Variants in ZNF713 observed in about 807,000 individuals in gnomAD.
ZNF713 encodes zinc finger protein 713.
A neutral mutation model predicts 28.7 loss-of-function variants in ZNF713; 21 were observed. The ratio of observed to expected loss-of-function variants is 0.73; its 90% CI spans 0.52 to 1.05. The LOEUF (loss-of-function observed/expected upper bound fraction) is 1.05. Among genes scored for constraint, ZNF713 ranks in the 50% least tolerant of loss-of-function variants. ZNF713 has a pLI of 0.00. For missense variants in ZNF713, 458 were observed against 532.4 expected (o/e 0.86, Z 1.37); for synonymous variants, 167 against 178.0 (o/e 0.94, Z 0.49).
chr7:55,887,629 C>T lies in ZNF713; in HGVS notation c.-634C>T. On this transcript the variant is annotated 5_prime_UTR_variant, in exon 1 of 7. Transcript: ENST00000429591. ...GCGGCGGCGGCGGCGGCGGCGGCGG[C>T]GGCGGCGGCGTCAGGGGGCGGAGCC... 2 of 172,814 alleles carry T rather than the reference C, an allele frequency of 1.2e-5. No homozygotes were observed. Among genetic ancestry groups the T allele is most frequent in the South Asian group, 3.2e-4 (2 of 6,240 alleles). The allele number at this position is 172,814 out of a possible 1,614,324, so 10.7% of individuals were successfully genotyped here.
intron 6 of ZNF713, chr7:55,924,068 C>T (rs535355393): frequency 3.3e-5 from 5 of 153,692 alleles, no homozygotes; most frequent in Middle Eastern, 3.3e-3. Flanking sequence ...AGAGGTGATC[C>T]GAGAAGAAAT....
intron 2 of ZNF713, among the ~76,000 whole-genome samples, chr7:55,907,618 C>T (rs6962038): frequency 0.022 from 3,395 of 152,288 alleles, 61 homozygotes; most frequent in African/African-American, 0.043. Flanking sequence ...CCCACCCTCC[C>T]TCCTTTTGGA....
chr7:55,892,872 A>G lies in ZNF713; in HGVS notation c.-583+5192A>G, dbSNP rs866940271. ...GGCAACAAGAGTGAAATTGTTTGGG[A>G]AAAAAAAAAAAAAAAAGGCGGAGTA... On this transcript the variant is annotated intron_variant, in intron 1 of 6. Transcript: ENST00000429591. Among the ~76,000 whole-genome samples, 536 of 56,846 alleles carry G rather than the reference A, an allele frequency of 9.4e-3. 5 individuals carry two copies. Among genetic ancestry groups the G allele is most frequent in the Middle Eastern group, 0.062 (6 of 96 alleles). The allele number at this position is 56,846 out of a possible 152,430, so 37.3% of individuals were successfully genotyped here.
In ZNF713 at chr7:55,940,012, G is replaced by C. The variant is rs1445861984; in HGVS notation, c.*6G>C. The C allele has an allele frequency of 6.5e-7, 1 of 1,547,146 alleles. No homozygotes were observed. The highest frequency in any genetic ancestry group is 8.7e-7 in the Non-Finnish European group (1 of 1,148,164). ...CTTCATTTAGCAGCACATAACTTAT[G>C]GTGGGGGAAATCAGATAAATATATA... On this transcript the variant is annotated 3_prime_UTR_variant, in exon 7 of 7. Coordinates refer to ENST00000429591, the MANE Select transcript of ZNF713 (RefSeq NM_182633.3).
At chr7:55,918,285 A>C in intron 4 of ZNF713, 1 of 253,402 alleles carries the variant, frequency 3.9e-6, no homozygotes, top group Non-Finnish European at 8.3e-6. Flanking sequence ...GCCAGTACCA[A>C]TTTGCCAGCC....
intron 1 of ZNF713, among the ~76,000 whole-genome samples, chr7:55,891,390 A>G (rs192482263): frequency 1.3e-5 from 2 of 151,954 alleles, no homozygotes; most frequent in East Asian, 3.9e-4. Flanking sequence ...AAGGCAAAGT[A>G]TGAAAATAGA....
rs34793484 is a variant in ZNF713 at position 55,932,524 on chromosome 7, C to CAA, written c.308-6440_308-6439dup. Among the ~76,000 whole-genome samples, 615 of 120,676 alleles carry CAA rather than the reference C, an allele frequency of 5.1e-3. 2 individuals carry two copies. The highest frequency in any genetic ancestry group is 0.014 in the Middle Eastern group (3 of 220). 79.2% of individuals were successfully genotyped at this position (120,676 alleles called of 152,430 possible). ...TAGGTGACAAAGCAAGACCCTGTCTCAAAAAAAAAAAAAAAAAAATCTAAT... is the reference window on the plus strand; with the variant it reads ...TAGGTGACAAAGCAAGACCCTGTCTCAAAAAAAAAAAAAAAAAAAAATCTAAT... On this transcript the variant is annotated intron_variant, in intron 6 of 6. Transcript: ENST00000429591.
At chr7:55,895,382 A>G (rs997277491) in intron 1 of ZNF713, among the ~76,000 whole-genome samples, 1 of 151,630 alleles carries the variant, frequency 6.6e-6, no homozygotes, top group African/African-American at 2.4e-5. Flanking sequence ...GGAATATGAT[A>G]GAAGAGTTAG....
chr7:55,907,470 T>G (rs1471512085), intron 2 of ZNF713, among the ~76,000 whole-genome samples: 1 of 152,236 alleles, frequency 6.6e-6, no homozygotes, highest in African/African-American at 2.4e-5. Context: ...CATTCTTTTT[T>G]GTGGCTGCAT....
chr7:55,917,777 G>C (rs1280221466), intron 4 of ZNF713, among the ~76,000 whole-genome samples: 1 of 152,006 alleles, frequency 6.6e-6, no homozygotes, highest in Admixed American at 6.6e-5. Flanking sequence ...TTAAACACAG[G>C]AAAAGTGTTC....
chr7:55,903,890 C>T (rs977543187), intron 1 of ZNF713, among the ~76,000 whole-genome samples: 1 of 152,026 alleles, frequency 6.6e-6, no homozygotes, highest in East Asian at 1.9e-4. Context: ...AGCAGTCAGT[C>T]GTAGGATTCT....
chr7:55,931,658 TCTTA>T (rs1165648221), intron 6 of ZNF713, among the ~76,000 whole-genome samples: 3 of 151,808 alleles, frequency 2.0e-5, no homozygotes, highest in Non-Finnish European at 4.4e-5. Flanking sequence ...CTCCCTTCTT[TCTTA>T]CTTCCTTGTT....
chr7:55,896,373 T>A (rs766012563), intron 1 of ZNF713, among the ~76,000 whole-genome samples: 9 of 152,124 alleles, frequency 5.9e-5, no homozygotes, highest in Non-Finnish European at 8.8e-5. Flanking sequence ...AGTCAGTAAT[T>A]GTGTTTCTCA....
At chr7:55,889,046 AAAAAT>A (rs869096129) in intron 1 of ZNF713, among the ~76,000 whole-genome samples, 23 of 152,248 alleles carry the variant, frequency 1.5e-4, no homozygotes, top group African/African-American at 5.1e-4. Context: ...CCTTGTCTCA[AAAAAT>A]AAAATAAATG....
In ZNF713 at chr7:55,898,813, C is replaced by CT. The variant is rs555731499; in HGVS notation, c.-582-7439dup. On this transcript the variant is annotated intron_variant, in intron 1 of 6. Coordinates refer to ENST00000429591, the MANE Select transcript of ZNF713 (RefSeq NM_182633.3). ...TAAATTCAAAATTTCCCATTTACCT[C>CT]TAAAAAAAAAGACAACATACAAATG... Among the ~76,000 whole-genome samples, 183 of 150,334 alleles carry CT rather than the reference C, an allele frequency of 1.2e-3. 2 individuals carry two copies. The highest frequency in any genetic ancestry group is 4.0e-3 in the African/African-American group (158 of 39,974).
intron 4 of ZNF713, among the ~76,000 whole-genome samples, chr7:55,919,495 T>TTTTG (rs1449866890): frequency 0.062 from 1,701 of 27,452 alleles, 176 homozygotes; most frequent in African/African-American, 0.34. Flanking sequence ...CTCCAGTTTT[T>TTTTG]TTTTTTTTTT....
At position 55,923,188 on chromosome 7, in the gene ZNF713, C is replaced by T. The variant is rs760309131; in HGVS notation, c.114C>T (p.Ala38=). ...AATCACTGACGTTTCAGGATGTGGC[C>T]GTGGACTTCACCAGAGAGGAGTGGG... The part of the protein sequence containing the change: ...SQESLTFQDV[A]VDFTREEWDQ... Residue 38 remains alanine (A), a synonymous_variant, in exon 5 of 7, where the codon GCC becomes GCT. Transcript: ENST00000429591. 2.3e-5 allele frequency: 37 copies of T among 1,612,828 alleles called. No individual in the cohort carries two copies. Among genetic ancestry groups the T allele is most frequent in the Admixed American group, 6.7e-5 (4 of 59,754 alleles).
At chr7:55,898,504 G>A (rs73132850) in intron 1 of ZNF713, among the ~76,000 whole-genome samples, 22,679 of 152,210 alleles carry the variant, frequency 0.15, 1,897 homozygotes, top group Non-Finnish European at 0.18. Context: ...GGGGAAGCAA[G>A]GACCTTCTTC....
chr7:55,915,953 G>A (rs1785875507), intron 4 of ZNF713, among the ~76,000 whole-genome samples: 1 of 152,210 alleles, frequency 6.6e-6, no homozygotes, highest in Non-Finnish European at 1.5e-5. Context: ...AACCAGTTAA[G>A]CTACTGTAGC....
Sources: allele counts gnomAD v4.1 joint callset (sites outside exome capture counted in the v4.1 genomes callset), GRCh38; gene constraint gnomAD v4.1.1; transcripts MANE v1.5; gene names NCBI Gene and HGNC (gene_info 2026-07-23, HGNC 2026-07-21).